TRIO: variants seen among roughly 807,000 people sequenced by gnomAD.
TRIO encodes triple functional domain protein.
In TRIO, 58 loss-of-function variants were observed where a neutral mutation model predicts 351.9. The observed-to-expected ratio is 0.16, with a 90% CI of 0.13 to 0.21. The LOEUF (loss-of-function observed/expected upper bound fraction) is 0.21. Among genes scored for constraint, TRIO ranks in the 10% least tolerant of loss-of-function variants. The pLI, the probability that TRIO is intolerant of heterozygous loss-of-function variation, is 1.00. For missense variants in TRIO, 3,201 were observed against 4,027.8 expected (o/e 0.79, Z 5.56); for synonymous variants, 1,758 against 1,595.7 (o/e 1.10, Z -2.42).
At position 14,290,479 on chromosome 5, in the gene TRIO, G is replaced by A. The variant is rs773763; in HGVS notation, c.541-237G>A. 0.26 allele frequency among the ~76,000 whole-genome samples: 38,786 copies of A among 152,046 alleles called. 5,737 individuals are homozygous for A. The highest frequency in any genetic ancestry group is 0.4 in the African/African-American group (16,518 of 41,450). On this transcript the variant is annotated intron_variant, in intron 4 of 56. Transcript: ENST00000344204. Reference sequence around the variant, plus strand: ...CTCTCATGAAATACACGATTCTACAGTTTTGGGTATTCCAGCTGACATATA... The same window carrying A: ...CTCTCATGAAATACACGATTCTACAATTTTGGGTATTCCAGCTGACATATA...
At chr5:14,148,213 A>G (rs933168898) in intron 1 of TRIO, among the ~76,000 whole-genome samples, 4 of 152,234 alleles carry the variant, frequency 2.6e-5, no homozygotes, top group Non-Finnish European at 5.9e-5. Flanking sequence ...GTGGTGTTCA[A>G]AATGAAGCAT....
intron 1 of TRIO, among the ~76,000 whole-genome samples, chr5:14,225,256 A>C (rs895172489): frequency 2.6e-5 from 4 of 152,198 alleles, no homozygotes; most frequent in Admixed American, 6.5e-5. Flanking sequence ...CTTCTGAGAA[A>C]AAAAGTAAAA....
intron 7 of TRIO, among the ~76,000 whole-genome samples, chr5:14,302,279 G>A (rs1010278024): frequency 7.9e-5 from 12 of 152,154 alleles, no homozygotes; most frequent in Non-Finnish European, 1.3e-4. Context: ...TGTCAGAAGC[G>A]TTTTGATCTT....
chr5:14,439,519 A>G (rs557795907), intron 34 of TRIO, among the ~76,000 whole-genome samples: 238 of 152,358 alleles, frequency 1.6e-3, no homozygotes, highest in African/African-American at 5.3e-3. Flanking sequence ...GAAAGGGACA[A>G]AGTCAACTTT....
At chr5:14,261,300 C>T (rs546274529) in intron 1 of TRIO, among the ~76,000 whole-genome samples, 7 of 152,262 alleles carry the variant, frequency 4.6e-5, no homozygotes, top group African/African-American at 7.2e-5. Flanking sequence ...GGCAGGATTT[C>T]GTGGGTAAAG....
rs538501822 is a variant in TRIO at position 14,184,929 on chromosome 5, C to T, written c.157+41047C>T. Among the ~76,000 whole-genome samples, 5 of 152,240 alleles carry T rather than the reference C, an allele frequency of 3.3e-5. No individual in the cohort carries two copies. The East Asian group carries it at 5.8e-4, about 18-fold the overall frequency. ...AGTGTTCTCACTCCTAACCCAAAAT[C>T]GGGCTCCTCCTTGGAGCAGCATACT... On this transcript the variant is annotated intron_variant, in intron 1 of 56. Coordinates refer to ENST00000344204, the MANE Select transcript of TRIO (RefSeq NM_007118.4).
chr5:14,244,702 T>C (rs1274554054), intron 1 of TRIO, among the ~76,000 whole-genome samples: 2 of 152,232 alleles, frequency 1.3e-5, no homozygotes, highest in Non-Finnish European at 2.9e-5. Flanking sequence ...CTCCTCACCG[T>C]AGCCCACAGC....
At chr5:14,203,410 A>G (rs1175142525) in intron 1 of TRIO, among the ~76,000 whole-genome samples, 1 of 152,210 alleles carries the variant, frequency 6.6e-6, no homozygotes, top group Non-Finnish European at 1.5e-5. Context: ...ACAAAACATC[A>G]TCATCATTCT....
chr5:14,396,487 T>G (rs1211430498), intron 28 of TRIO, among the ~76,000 whole-genome samples: 13 of 106,348 alleles, frequency 1.2e-4, no homozygotes, highest in Admixed American at 3.9e-4. Context: ...TTTTTTTTTT[T>G]GAGACAGGGT....
chr5:14,507,278 C>G lies in TRIO; in HGVS notation c.8751+18C>G. On this transcript the variant is annotated intron_variant, in intron 56 of 56. Transcript: ENST00000344204. ...ACCTAAAGGTTGGTGAGGCCCCGGG[C>G]AGGTGAAGGGGGGTCTGAGCACACC... 1 of 1,610,576 alleles carries G rather than the reference C, an allele frequency of 6.2e-7. No homozygotes were observed. Among genetic ancestry groups the G allele is most frequent in the Non-Finnish European group, 8.5e-7 (1 of 1,179,744 alleles).
At chr5:14,464,234 G>A (rs1333086603) in intron 36 of TRIO, among the ~76,000 whole-genome samples, 1 of 152,202 alleles carries the variant, frequency 6.6e-6, no homozygotes, top group African/African-American at 2.4e-5. Context: ...TTGAAAAGCA[G>A]AAAACTGGCA....
intron 1 of TRIO, among the ~76,000 whole-genome samples, chr5:14,166,156 G>A (rs564611442): frequency 1.6e-4 from 25 of 152,318 alleles, no homozygotes; most frequent in African/African-American, 5.5e-4. Flanking sequence ...TGGAGAGTCT[G>A]TTGGATTCTG....
At chr5:14,343,644 T>G (rs982519884) in intron 11 of TRIO, among the ~76,000 whole-genome samples, 1 of 152,234 alleles carries the variant, frequency 6.6e-6, no homozygotes, top group South Asian at 2.1e-4. Flanking sequence ...TATCACAGTT[T>G]ATTTAACTAT....
chr5:14,349,339 ATGT>A, intron 11 of TRIO, among the ~76,000 whole-genome samples: 1 of 151,856 alleles, frequency 6.6e-6, no homozygotes, highest in South Asian at 2.1e-4. Context: ...GCACATGAGC[ATGT>A]GTTTTTCCTG....
intron 42 of TRIO, 35 bp from the exon 43 acceptor site, chr5:14,479,884 G>T: frequency 6.2e-7 from 1 of 1,603,096 alleles, no homozygotes; most frequent in Non-Finnish European, 8.5e-7. Context: ...TTAATGAACA[G>T]CCCATACGAT....
chr5:14,496,862 G>C lies in TRIO; in HGVS notation c.7881-17G>C. ...GTTGGAAAGGCATAATACCCACAGT[G>C]TGTTCATTTCCCCTAGGAAGTCAAC... On this transcript the variant is annotated splice_polypyrimidine_tract_variant and intron_variant, in intron 49 of 56. Coordinates refer to ENST00000344204, the MANE Select transcript of TRIO (RefSeq NM_007118.4). 6.2e-7 allele frequency: 1 copy of C among 1,613,524 alleles called. No individual in the cohort carries two copies. The highest frequency in any genetic ancestry group is 8.5e-7 in the Non-Finnish European group (1 of 1,179,706).
intron 36 of TRIO, 38 bp downstream of exon 36, chr5:14,462,963 G>C: frequency 6.6e-7 from 1 of 1,523,752 alleles, no homozygotes; most frequent in South Asian, 1.3e-5. Context: ...CATGCCTGCC[G>C]TGCAGGGGCA....
intron 3 of TRIO, among the ~76,000 whole-genome samples, chr5:14,285,236 A>G (rs1393322210): frequency 6.6e-6 from 1 of 150,594 alleles, no homozygotes; most frequent in Non-Finnish European, 1.5e-5. Flanking sequence ...TGAGATAGTT[A>G]TTAGAAGTTC....
At chr5:14,494,519 C>T (rs1332723545) in intron 49 of TRIO, among the ~76,000 whole-genome samples, 3 of 152,228 alleles carry the variant, frequency 2.0e-5, no homozygotes, top group Admixed American at 1.3e-4. Context: ...CAAGGAGATT[C>T]GTGTTGTTTT....
Sources: gnomAD v4.1 joint callset for allele counts (sites outside exome capture counted in the v4.1 genomes callset) on GRCh38, gnomAD v4.1.1 for gene constraint, MANE v1.5 for transcripts, NCBI Gene and HGNC (gene_info 2026-07-23, HGNC 2026-07-21) for gene names.